The following ATP11B variants were observed in gnomAD, a reference collection of about 807,000 sequenced individuals.
The protein encoded by ATP11B is ATPase phospholipid transporting 11B (putative).
ATP11B carries 81 observed loss-of-function variants against 157.8 expected under a neutral mutation model. The ratio of observed to expected loss-of-function variants is 0.51; its 90% CI spans 0.43 to 0.62. The LOEUF is 0.62. ATP11B is among the 20% of genes least tolerant of loss of function. The pLI, the probability that ATP11B is intolerant of heterozygous loss-of-function variation, is 0.00. For synonymous variants in ATP11B, 451 were observed against 469.4 expected, an observed-to-expected ratio of 0.96 and a Z score of 0.51; for missense variants, 1,165 against 1,402.2, an observed-to-expected ratio of 0.83 and a Z score of 2.70.
chr3:182,873,000 G>C (rs534435694), intron 18 of ATP11B, among the ~76,000 whole-genome samples: 4 of 152,248 alleles, frequency 2.6e-5, no homozygotes, highest in African/African-American at 9.6e-5. Flanking sequence ...ATAAAGTATA[G>C]CTTAGATATT....
At chr3:182,898,794 T>C in intron 28 of ATP11B, 22 bp downstream of exon 28, 1 of 1,422,578 alleles carries the variant, frequency 7.0e-7, no homozygotes, top group Non-Finnish European at 9.3e-7. Flanking sequence ...TTATAATAAA[T>C]TCAATATCTT....
chr3:182,881,976 A>G (rs549366964), intron 21 of ATP11B, among the ~76,000 whole-genome samples: 2 of 152,198 alleles, frequency 1.3e-5, no homozygotes, highest in African/African-American at 4.8e-5. Flanking sequence ...TATTAGATTC[A>G]GACTGCTAAT....
chr3:182,860,125 A>G (rs1176598822), intron 12 of ATP11B, among the ~76,000 whole-genome samples: 1 of 152,106 alleles, frequency 6.6e-6, no homozygotes, highest in Non-Finnish European at 1.5e-5. Flanking sequence ...CTTGCATCCC[A>G]TGTCTTCCTA....
In ATP11B at chr3:182,829,669, T is replaced by C; in HGVS notation, c.235-3T>C. On this transcript the variant is annotated splice_polypyrimidine_tract_variant and splice_region_variant and intron_variant, in intron 3 of 29. Coordinates refer to ENST00000323116, the MANE Select transcript of ATP11B (RefSeq NM_014616.3). ...TATTCTGTATTCTTTTTTATAAATC[T>C]AGCTTATGATTGATACACCTACCAG... The C allele has an allele frequency of 6.4e-7, 1 of 1,571,406 alleles. No homozygotes were observed. The highest frequency in any genetic ancestry group is 2.2e-5 in the East Asian group (1 of 44,522).
Position 182,869,282 on chromosome 3 carries a change from T to C in ATP11B, c.1817T>C (p.Ile606Thr). 2 of 1,610,088 alleles carry C rather than the reference T, an allele frequency of 1.2e-6. No homozygotes were observed. The highest frequency in any genetic ancestry group is 1.7e-6 in the Non-Finnish European group (2 of 1,178,328). The stretch of plus-strand genomic sequence containing the variant: ...GAGTCATCAATTCTCCCTAAATGTA[T>C]AGGTGGAGAAATAGAAAAAACCAGA... ...GAESSILPKC[I>T]GGEIEKTRIH... The change falls in exon 17 of 30, where the codon ATA becomes ACA. Residue 606 changes from isoleucine to threonine, a missense_variant. By Grantham distance (89) the Ile-to-Thr change is moderately conservative. This residue lies in a region of ATP11B where 737 missense variants were observed against 930.5 expected (regional missense o/e 0.79). Coordinates refer to ENST00000323116, the MANE Select transcript of ATP11B (RefSeq NM_014616.3).
intron 17 of ATP11B, among the ~76,000 whole-genome samples, chr3:182,870,010 CT>C (rs1488310551): frequency 1.3e-5 from 2 of 152,174 alleles, no homozygotes; most frequent in East Asian, 3.9e-4. Context: ...CAAAAAAGGC[CT>C]TATATTAATA....
At chr3:182,820,169 T>C in intron 1 of ATP11B, 91 bp from the exon 2 acceptor site, 1 of 837,760 alleles carries the variant, frequency 1.2e-6, no homozygotes, top group Admixed American at 1.9e-5. Context: ...GTAATATATG[T>C]AATCTGACCA....
At chr3:182,815,759 TAAA>T in intron 1 of ATP11B, among the ~76,000 whole-genome samples, 1 of 152,302 alleles carries the variant, frequency 6.6e-6, no homozygotes, top group East Asian at 1.9e-4. Flanking sequence ...TTAGTTATAT[TAAA>T]GAAGTATGAC....
chr3:182,848,296 T>G (rs1270657249), intron 9 of ATP11B, among the ~76,000 whole-genome samples, 180 bp from the exon 10 acceptor site: 6 of 152,208 alleles, frequency 3.9e-5, no homozygotes, highest in Non-Finnish European at 2.9e-5. Context: ...GTTGAGTGAC[T>G]GGGGCTTCCC....
chr3:182,817,073 T>G (rs1717009767), intron 1 of ATP11B, among the ~76,000 whole-genome samples: 1 of 152,188 alleles, frequency 6.6e-6, no homozygotes, highest in Non-Finnish European at 1.5e-5. Context: ...GGCCATTGAC[T>G]ATAATATGAT....
chr3:182,842,385 C>A (rs1056102305), intron 8 of ATP11B, among the ~76,000 whole-genome samples: 11 of 152,218 alleles, frequency 7.2e-5, no homozygotes, highest in Middle Eastern at 6.8e-3. Context: ...TTATAATAAA[C>A]CACTAAATGT....
intron 12 of ATP11B, among the ~76,000 whole-genome samples, chr3:182,863,914 T>TG (rs1249730082): frequency 3.3e-5 from 5 of 152,060 alleles, no homozygotes; most frequent in Admixed American, 1.3e-4. Flanking sequence ...GTGTGGGCTT[T>TG]TTTTAATTAA....
chr3:182,804,531 C>T (rs923344973), intron 1 of ATP11B, among the ~76,000 whole-genome samples: 1 of 152,186 alleles, frequency 6.6e-6, no homozygotes, highest in Non-Finnish European at 1.5e-5. Flanking sequence ...CCGCACCTGG[C>T]AGGAATTTAG....
At chr3:182,891,396 C>G (rs1259160205) in intron 25 of ATP11B, among the ~76,000 whole-genome samples, 2 of 151,982 alleles carry the variant, frequency 1.3e-5, no homozygotes, top group South Asian at 2.1e-4. Context: ...GGCCCTCTAC[C>G]CAGATATTAT....
In ATP11B at chr3:182,919,905, G is replaced by T. The variant is rs1319563146; in HGVS notation, c.*1801G>T. 1 of 152,130 alleles carries T rather than the reference G, an allele frequency of 6.6e-6. No homozygotes were observed. The highest frequency in any genetic ancestry group is 2.4e-5 in the African/African-American group (1 of 41,440). 9.4% of individuals were successfully genotyped at this position (152,130 alleles called of 1,614,324 possible). A position where few individuals can be genotyped will look rare whatever the true frequency, so the allele number is the denominator to read the frequency against. ...TCTGTTATTCTGGAAGTACTAAAAA[G>T]AATAATACAACGTACAATGTCTGCA... On this transcript the variant is annotated 3_prime_UTR_variant, in exon 30 of 30. Coordinates refer to ENST00000323116, the MANE Select transcript of ATP11B (RefSeq NM_014616.3).
intron 29 of ATP11B, chr3:182,916,283 C>A: frequency 3.0e-6 from 3 of 985,276 alleles, no homozygotes; most frequent in Non-Finnish European, 3.6e-6. Context: ...TGGGGCAAGT[C>A]TGAGACTGCC....
At position 182,915,455 on chromosome 3, in the gene ATP11B, A is replaced by AT. The variant is rs1284693210; in HGVS notation, c.3452+1461_3452+1462insT. 3 of 985,222 alleles carry AT rather than the reference A, an allele frequency of 3.0e-6. No individual in the cohort carries two copies. In the African/African-American group the frequency reaches 5.2e-5, roughly 17 times the overall value. 61.0% of individuals were successfully genotyped at this position (985,222 alleles called of 1,614,324 possible). Reference sequence around the variant, plus strand: ...TGTACCTAGGCCAGCAAATTTCCCAAAGAGCTTGATTTATAATACTATTTT... The same window carrying AT: ...TGTACCTAGGCCAGCAAATTTCCCAATAGAGCTTGATTTATAATACTATTTT... On this transcript the variant is annotated intron_variant, in intron 29 of 29. Coordinates refer to ENST00000323116, the MANE Select transcript of ATP11B (RefSeq NM_014616.3).
At chr3:182,883,746 G>A (rs1722595981) in intron 21 of ATP11B, among the ~76,000 whole-genome samples, 1 of 150,796 alleles carries the variant, frequency 6.6e-6, no homozygotes, top group Non-Finnish European at 1.5e-5. Context: ...ACGAGGTCAG[G>A]AGATCGAGAC....
chr3:182,849,741 G>A (rs972461035), intron 10 of ATP11B, among the ~76,000 whole-genome samples: 22 of 152,086 alleles, frequency 1.4e-4, no homozygotes, highest in African/African-American at 5.3e-4. Flanking sequence ...AATGAACAGA[G>A]CTTCAGAGCC....
Sources: gnomAD v4.1 joint callset for allele counts (sites outside exome capture counted in the v4.1 genomes callset) on GRCh38, gnomAD v4.1.1 for gene constraint, gnomAD v4.1.1 regional missense constraint, MANE v1.5 for transcripts, NCBI Gene and HGNC (gene_info 2026-07-23, HGNC 2026-07-21) for gene names.